Variants in FMNL2 observed in about 807,000 individuals in gnomAD.
The protein encoded by FMNL2 is formin like 2.
In FMNL2, 51 loss-of-function variants were observed where a neutral mutation model predicts 130.2. That is an observed-to-expected ratio of 0.39 (90% CI 0.31 to 0.49). The LOEUF (loss-of-function observed/expected upper bound fraction) is 0.49, where lower values mean the gene tolerates loss of function less well. Ranked by LOEUF, FMNL2 falls within the 20% of genes least tolerant of loss-of-function variation. The pLI is 0.85. For missense variants in FMNL2, 977 were observed against 1,316.2 expected, an observed-to-expected ratio of 0.74 and a Z score of 3.99; for synonymous variants, 465 against 467.1, an observed-to-expected ratio of 1.00 and a Z score of 0.06.
intron 7 of FMNL2, 104 bp from the exon 8 acceptor site, chr2:152,578,784 C>T (rs2105711569): frequency 5.1e-6 from 4 of 783,026 alleles, no homozygotes; most frequent in East Asian, 2.7e-5. Context: ...GTGTAAGTTT[C>T]ATTAGGTAGA....
intron 1 of FMNL2, among the ~76,000 whole-genome samples, chr2:152,337,243 C>T (rs1681524991): frequency 6.6e-6 from 1 of 152,124 alleles, no homozygotes; most frequent in Non-Finnish European, 1.5e-5. Flanking sequence ...TCAAGGCGGC[C>T]TGGGTGCATA....
At chr2:152,621,108 G>A (rs1699225815) in intron 15 of FMNL2, 1 of 985,286 alleles carries the variant, frequency 1.0e-6, no homozygotes. Context: ...AACTGGGTGT[G>A]GAAACCCATT....
At chr2:152,534,994 G>A (rs1180418374) in intron 2 of FMNL2, among the ~76,000 whole-genome samples, 5 of 152,182 alleles carry the variant, frequency 3.3e-5, no homozygotes, top group Admixed American at 6.5e-5. Flanking sequence ...TGAATCTGTC[G>A]TGCTGATTTT....
intron 2 of FMNL2, among the ~76,000 whole-genome samples, chr2:152,522,459 G>A (rs1693145452): frequency 6.6e-6 from 1 of 152,204 alleles, no homozygotes; most frequent in Non-Finnish European, 1.5e-5. Context: ...TTCAGAGAAA[G>A]TTATATCAAG....
chr2:152,401,493 T>C (rs1252577930), intron 1 of FMNL2, among the ~76,000 whole-genome samples: 1 of 152,230 alleles, frequency 6.6e-6, no homozygotes, highest in African/African-American at 2.4e-5. Context: ...GCTTGAAGAA[T>C]TCTTCCTTTT....
intron 1 of FMNL2, among the ~76,000 whole-genome samples, chr2:152,512,888 A>C (rs925285758): frequency 1.3e-5 from 2 of 152,204 alleles, no homozygotes; most frequent in African/African-American, 4.8e-5. Flanking sequence ...TAAAGTAGCA[A>C]ATTTCAAGTG....
intron 1 of FMNL2, among the ~76,000 whole-genome samples, chr2:152,477,654 A>G (rs1038201428): frequency 5.0e-4 from 76 of 152,150 alleles, no homozygotes; most frequent in African/African-American, 1.7e-3. Flanking sequence ...AGCCAATACA[A>G]ATAGGTGAGG....
At chr2:152,572,538 A>C (rs767460828) in intron 6 of FMNL2, among the ~76,000 whole-genome samples, 1 of 152,148 alleles carries the variant, frequency 6.6e-6, no homozygotes, top group Non-Finnish European at 1.5e-5. Flanking sequence ...TGCAGGGCGC[A>C]GTGGCTCATG....
At chr2:152,565,567 G>A (rs545518117) in intron 6 of FMNL2, among the ~76,000 whole-genome samples, 8 of 152,056 alleles carry the variant, frequency 5.3e-5, no homozygotes, top group Non-Finnish European at 7.4e-5. Context: ...ATATAATCCC[G>A]CTCATTTTTT....
chr2:152,468,339 G>T (rs535854014), intron 1 of FMNL2, among the ~76,000 whole-genome samples: 1 of 152,320 alleles, frequency 6.6e-6, no homozygotes, highest in East Asian at 1.9e-4. Context: ...AATGTGGCTA[G>T]TGTAACCTAG....
chr2:152,459,818 A>C (rs186404326), intron 1 of FMNL2, among the ~76,000 whole-genome samples: 3 of 152,210 alleles, frequency 2.0e-5, no homozygotes, highest in Non-Finnish European at 1.5e-5. Context: ...ACAAAGCTGC[A>C]AAAGAAAAAA....
chr2:152,600,930 A>T (rs1698014896), intron 9 of FMNL2, among the ~76,000 whole-genome samples: 2 of 152,146 alleles, frequency 1.3e-5, no homozygotes, highest in South Asian at 4.1e-4. Flanking sequence ...AGCCAAGTGC[A>T]TTCCTCTGAA....
At chr2:152,518,872 C>T (rs10182254) in intron 1 of FMNL2, among the ~76,000 whole-genome samples, 84,898 of 152,054 alleles carry the variant, frequency 0.56, 24,305 homozygotes, top group Non-Finnish European at 0.63. Context: ...TGAAAAACAA[C>T]GTCATTATGT....
intron 1 of FMNL2, among the ~76,000 whole-genome samples, chr2:152,504,508 G>T (rs1692042635): frequency 6.6e-6 from 1 of 151,816 alleles, no homozygotes. Context: ...GCCTCCCAAA[G>T]TGCTGGGATT....
intron 1 of FMNL2, among the ~76,000 whole-genome samples, chr2:152,477,149 T>A (rs935800453): frequency 2.6e-5 from 4 of 152,152 alleles, no homozygotes. Context: ...AAGCTTACCA[T>A]AGAGATCTAG....
chr2:152,516,220 A>G (rs758094006), intron 1 of FMNL2, among the ~76,000 whole-genome samples: 1 of 152,180 alleles, frequency 6.6e-6, no homozygotes, highest in Non-Finnish European at 1.5e-5. Flanking sequence ...GATCCGTTGC[A>G]CAATAATATT....
chr2:152,611,731 A>T, intron 11 of FMNL2, 126 bp downstream of exon 11: 1 of 608,660 alleles, frequency 1.6e-6, no homozygotes, highest in East Asian at 2.8e-5. Flanking sequence ...CTGTAGTGCT[A>T]GTTAAAGGGA....
intron 1 of FMNL2, among the ~76,000 whole-genome samples, chr2:152,385,918 C>T (rs909108856): frequency 1.3e-5 from 2 of 152,146 alleles, no homozygotes; most frequent in Admixed American, 6.5e-5. Context: ...TAATGAAAGG[C>T]TGTCAGCAAT....
At chr2:152,548,677 A>T (rs569442692) in intron 3 of FMNL2, among the ~76,000 whole-genome samples, 1 of 152,192 alleles carries the variant, frequency 6.6e-6, no homozygotes, top group African/African-American at 2.4e-5. Context: ...GTATGACTGT[A>T]TGCTGAGTCC....
Sources: gnomAD v4.1 joint callset for allele counts (sites outside exome capture counted in the v4.1 genomes callset) on GRCh38, gnomAD v4.1.1 for gene constraint, MANE v1.5 for transcripts, NCBI Gene and HGNC (gene_info 2026-07-23, HGNC 2026-07-21) for gene names.